LRIG2: variants seen among roughly 807,000 people sequenced by gnomAD.
The protein encoded by LRIG2 is leucine-rich repeats and immunoglobulin-like domains protein 2.
In LRIG2, 93 loss-of-function variants were observed where a neutral mutation model predicts 107.8. The observed-to-expected ratio is 0.86, with a 90% CI of 0.73 to 1.03. The LOEUF (loss-of-function observed/expected upper bound fraction) is 1.03. Among genes scored for constraint, LRIG2 ranks in the 50% least tolerant of loss-of-function variants. The pLI, the probability that LRIG2 is intolerant of heterozygous loss-of-function variation, is 0.00. For missense variants in LRIG2, 1,226 were observed against 1,296.0 expected (o/e 0.95, Z 0.83); for synonymous variants, 471 against 470.6 (o/e 1.00, Z -0.01).
At chr1:113,083,598 G>C (rs1653389220) in intron 1 of LRIG2, among the ~76,000 whole-genome samples, 1 of 151,606 alleles carries the variant, frequency 6.6e-6, no homozygotes, top group Non-Finnish European at 1.5e-5. Context: ...CACCTGCCCT[G>C]GCTATCCAAA....
chr1:113,102,006 G>C (rs921256649), intron 11 of LRIG2, among the ~76,000 whole-genome samples: 1 of 152,078 alleles, frequency 6.6e-6, no homozygotes, highest in African/African-American at 2.4e-5. Context: ...CTAAGTCAAA[G>C]GTATGAAGAG....
Position 113,123,934 on chromosome 1 carries a change from T to G in LRIG2, c.3031T>G (p.Phe1011Val). ...NRELGLPHPP[F>V]SQQPVHESPQ... ...AGAACTAGGCCTGCCTCATCCTCCT[T>G]TTTCCCAGCAGCCAGTCCATGAGTC... The change falls in exon 18 of 18, where the codon TTT becomes GTT. Residue 1011 changes from phenylalanine (F) to valine (V), a missense_variant. By Grantham distance (50) the Phe-to-Val change is conservative. Around this residue, in one of 3 missense-constraint regions of LRIG2, gnomAD observed 642 missense variants for 712.2 expected, o/e 0.90. Transcript: ENST00000361127. 1 of 1,614,166 alleles carries G rather than the reference T, an allele frequency of 6.2e-7. No individual in the cohort carries two copies. Among genetic ancestry groups the G allele is most frequent in the Non-Finnish European group, 8.5e-7 (1 of 1,180,026 alleles).
rs1655499672 is a variant in LRIG2 at position 113,126,759 on chromosome 1, CCT to C, written c.*2661_*2662del. The C allele has an allele frequency of 6.4e-6, 1 of 157,480 alleles. No homozygotes were observed. The highest frequency in any genetic ancestry group is 2.4e-5 in the African/African-American group (1 of 41,444). 9.8% of individuals were successfully genotyped at this position (157,480 alleles called of 1,614,324 possible). ...TTTTCACCTGATTCTTGTGGGGAAT[CCT>C]CTTTAATTTGTTGTAACCTTCTCAG... On this transcript the variant is annotated 3_prime_UTR_variant, in exon 18 of 18. Coordinates refer to ENST00000361127, the MANE Select transcript of LRIG2 (RefSeq NM_014813.3).
In LRIG2 at chr1:113,079,740, CT is replaced by C. The variant is rs1052163783; in HGVS notation, c.239+6114del. Among the ~76,000 whole-genome samples, 1,234 of 128,800 alleles carry C rather than the reference CT, an allele frequency of 9.6e-3. 5 individuals carry two copies. The highest frequency in any genetic ancestry group is 0.02 in the African/African-American group (691 of 34,496). The allele number at this position is 128,800 out of a possible 152,430, so 84.5% of individuals were successfully genotyped here. A position where few individuals can be genotyped will look rare whatever the true frequency, so the allele number is the denominator to read the frequency against. ...CCTTTGGAGGGAAATCAGGAGAAAT[CT>C]TTTTTTTTTTTTTTTTTTGAGGCGG... On this transcript the variant is annotated intron_variant, in intron 1 of 17. Transcript: ENST00000361127.
At chr1:113,089,338 C>T (rs994529997) in intron 1 of LRIG2, among the ~76,000 whole-genome samples, 6 of 152,116 alleles carry the variant, frequency 3.9e-5, no homozygotes, top group African/African-American at 1.4e-4. Flanking sequence ...ATTTTTAAAG[C>T]CTATTTAACT....
rs1216803 is a variant in LRIG2 at position 113,094,865 on chromosome 1, C to T, written c.803+110C>T. The T allele has an allele frequency of 1.0e-3, 1,026 of 1,017,894 alleles. 6 individuals carry two copies. In the African/African-American group the frequency reaches 0.015, roughly 15 times the overall value. The allele number at this position is 1,017,894 out of a possible 1,614,324, so 63.1% of individuals were successfully genotyped here. ...GATTATAGAGATACATTCATTCATT[C>T]CCTGGTCACTGATGTGAAGTAAGCG... On this transcript the variant is annotated intron_variant, in intron 6 of 17. Coordinates refer to ENST00000361127, the MANE Select transcript of LRIG2 (RefSeq NM_014813.3).
At chr1:113,080,836 GTTTTTTTTT>G (rs1007236694) in intron 1 of LRIG2, among the ~76,000 whole-genome samples, 2 of 84,610 alleles carry the variant, frequency 2.4e-5, no homozygotes, top group African/African-American at 1.0e-4. Flanking sequence ...AACACTAAAA[GTTTTTTTTT>G]TTTTTTTTTT....
chr1:113,080,254 C>T lies in LRIG2; in HGVS notation c.239+6609C>T, dbSNP rs558970341. Among the ~76,000 whole-genome samples the T allele has an allele frequency of 1.7e-4, 26 of 152,138 alleles. 1 individual carries two copies. In the South Asian group the frequency reaches 4.6e-3, roughly 27 times the overall value. On this transcript the variant is annotated intron_variant, in intron 1 of 17. Transcript: ENST00000361127. ...CAGGCTGGTCTCCAACTCCTGACCT[C>T]GTGATTGGCCCACTTTGGCCTTCCA...
At chr1:113,108,903 G>A (rs1654652685) in intron 12 of LRIG2, among the ~76,000 whole-genome samples, 3 of 151,982 alleles carry the variant, frequency 2.0e-5, no homozygotes, top group Admixed American at 2.0e-4. Flanking sequence ...TTTCTTTAAA[G>A]TGGAATGACT....
intron 1 of LRIG2, among the ~76,000 whole-genome samples, chr1:113,085,657 C>T (rs1446495792): frequency 6.6e-6 from 1 of 152,170 alleles, no homozygotes; most frequent in African/African-American, 2.4e-5. Context: ...AGCAAAAATG[C>T]TTCCAGGAAG....
intron 1 of LRIG2, among the ~76,000 whole-genome samples, chr1:113,077,223 C>T (rs546935885): frequency 6.6e-6 from 1 of 152,068 alleles, no homozygotes; most frequent in African/African-American, 2.4e-5. Context: ...CGGCTCACTG[C>T]AACCTCTGTC....
chr1:113,090,674 A>G (rs975422536), intron 1 of LRIG2, among the ~76,000 whole-genome samples: 1 of 151,162 alleles, frequency 6.6e-6, no homozygotes, highest in African/African-American at 2.4e-5. Flanking sequence ...CGTCTCTACT[A>G]AAAATACAAA....
intron 1 of LRIG2, among the ~76,000 whole-genome samples, chr1:113,074,479 G>C (rs1389297093): frequency 1.3e-5 from 2 of 152,160 alleles, no homozygotes; most frequent in Non-Finnish European, 2.9e-5. Context: ...AGTCAGCCTG[G>C]TGGTATTAGG....
In LRIG2 at chr1:113,114,472, G is replaced by A. The variant is rs1309314863; in HGVS notation, c.2126G>A (p.Arg709Gln). 3.1e-6 allele frequency: 5 copies of A among 1,613,056 alleles called. No individual in the cohort carries two copies. Among genetic ancestry groups the A allele is most frequent in the African/African-American group, 1.3e-5 (1 of 74,622 alleles). Reference protein sequence around the residue: ...IRPLEDKTVTRGETAVLQCIA... With the variant: ...IRPLEDKTVTQGETAVLQCIA... ...CCCCTGGAGGATAAGACAGTAACAC[G>A]AGGTGAAACTGCGGTGTTACAGTGC... Residue 709 changes from arginine to glutamine, a missense_variant, in exon 15 of 18, where the codon CGA becomes CAA. By Grantham distance (43) the Arg-to-Gln change is conservative. Transcript: ENST00000361127.
At chr1:113,074,646 C>T (rs1728240) in intron 1 of LRIG2, among the ~76,000 whole-genome samples, 130,887 of 151,770 alleles carry the variant, frequency 0.86, 59,069 homozygotes, top group Non-Finnish European at 0.98. Flanking sequence ...CGGTGGCTCA[C>T]GCCTGTAATC....
chr1:113,107,290 A>G (rs1654580626), intron 11 of LRIG2, among the ~76,000 whole-genome samples: 1 of 152,230 alleles, frequency 6.6e-6, no homozygotes, highest in South Asian at 2.1e-4. Context: ...CCAATGTTAA[A>G]AAAAGTCATT....
Position 113,073,252 on chromosome 1 carries a change from G to C in LRIG2, c.-155G>C. On this transcript the variant is annotated 5_prime_UTR_variant, in exon 1 of 18. Transcript: ENST00000361127. Reference sequence around the variant, plus strand: ...CCCAGGCCGTCGACCCCGCTGTCGCGCTGCGTCTGCTCCTTGCATGCCTTT... The same window carrying C: ...CCCAGGCCGTCGACCCCGCTGTCGCCCTGCGTCTGCTCCTTGCATGCCTTT... 1.5e-6 allele frequency: 1 copy of C among 670,152 alleles called. No homozygotes were observed. 41.5% of individuals were successfully genotyped at this position (670,152 alleles called of 1,614,324 possible).
intron 6 of LRIG2, among the ~76,000 whole-genome samples, chr1:113,094,984 A>ATTTTT (rs33950364): frequency 6.7e-4 from 93 of 139,738 alleles, no homozygotes; most frequent in South Asian, 1.9e-3. Flanking sequence ...ATATATATAT[A>ATTTTT]TTTTTTTTGA....
intron 1 of LRIG2, among the ~76,000 whole-genome samples, chr1:113,090,416 A>T (rs769520307): frequency 6.6e-6 from 1 of 152,222 alleles, no homozygotes; most frequent in Non-Finnish European, 1.5e-5. Context: ...ACACACACAT[A>T]TATAAATACA....
Sources: allele counts gnomAD v4.1 joint callset (sites outside exome capture counted in the v4.1 genomes callset), GRCh38; gene constraint gnomAD v4.1.1; regional missense constraint gnomAD v4.1.1; transcripts MANE v1.5; gene names NCBI Gene and HGNC (gene_info 2026-07-23, HGNC 2026-07-21).